The following NLRP5 variants were observed in gnomAD, a reference collection of about 807,000 sequenced individuals.
The protein encoded by NLRP5 is NACHT, LRR and PYD domains-containing protein 5.
A neutral mutation model predicts 113.1 loss-of-function variants in NLRP5; 93 were observed. The ratio of observed to expected loss-of-function variants is 0.82; its 90% confidence interval spans 0.70 to 0.98. NLRP5 has a LOEUF of 0.98. Among genes scored for constraint, NLRP5 ranks in the 50% least tolerant of loss-of-function variants. The pLI is 0.00. For synonymous variants in NLRP5, 751 were observed against 600.7 expected, an observed-to-expected ratio of 1.25 and a Z score of -3.66; for missense variants, 1,808 against 1,514.3, an observed-to-expected ratio of 1.19 and a Z score of -3.22.
chr19:56,029,425 C>G (rs1170700017), intron 7 of NLRP5, among the ~76,000 whole-genome samples: 1 of 151,930 alleles, frequency 6.6e-6, no homozygotes, highest in Non-Finnish European at 1.5e-5. Context: ...GCCACCATAC[C>G]TGGCTAATTT....
chr19:56,012,523 T>C (rs1426126972), intron 3 of NLRP5, among the ~76,000 whole-genome samples: 1 of 149,858 alleles, frequency 6.7e-6, no homozygotes, highest in Admixed American at 6.7e-5. Context: ...AATTCGAAAA[T>C]TTATAAACAT....
the NLRP5 span, among the ~76,000 whole-genome samples, chr19:55,987,502 CTTAG>C: frequency 4.6e-5 from 7 of 152,146 alleles, no homozygotes; most frequent in African/African-American, 4.8e-5. Context: ...TTAACCGTAA[CTTAG>C]TTATTGAAAT....
upstream of NLRP5, among the ~76,000 whole-genome samples, chr19:55,998,803 A>G (rs1258395417): frequency 2.0e-5 from 3 of 149,732 alleles, no homozygotes; most frequent in Middle Eastern, 3.2e-3. Flanking sequence ...ATCCACTTTT[A>G]TTTTTAATTG....
chr19:56,007,914 T>TGCGCGC (rs1568483131), intron 2 of NLRP5, among the ~76,000 whole-genome samples: 4 of 29,546 alleles, frequency 1.4e-4, no homozygotes, highest in African/African-American at 2.8e-4. Flanking sequence ...CGTGTGTGTG[T>TGCGCGC]GTGTGTGTGT....
At chr19:56,003,216 G>C (rs1333090946) in intron 1 of NLRP5, among the ~76,000 whole-genome samples, 1 of 152,126 alleles carries the variant, frequency 6.6e-6, no homozygotes, top group Non-Finnish European at 1.5e-5. Context: ...CAATGATGCA[G>C]TCTTGGCTCA....
At position 56,061,542 on chromosome 19, in the gene NLRP5, T is replaced by C. The variant is rs753358109; in HGVS notation, c.*14T>C. 2.2e-5 allele frequency: 36 copies of C among 1,613,778 alleles called. No individual in the cohort carries two copies. Among genetic ancestry groups the C allele is most frequent in the Admixed American group, 1.7e-4 (10 of 59,992 alleles). On this transcript the variant is annotated 3_prime_UTR_variant, in exon 15 of 15. Coordinates refer to ENST00000390649, the MANE Select transcript of NLRP5 (RefSeq NM_153447.4). Reference sequence around the variant, plus strand: ...TGGAAAAACTGAAGATACGGAAACCTGCCCCACTCACACCCATCTGATGGA... The same window carrying C: ...TGGAAAAACTGAAGATACGGAAACCCGCCCCACTCACACCCATCTGATGGA...
chr19:56,046,204 G>A (rs1983716544), intron 11 of NLRP5, among the ~76,000 whole-genome samples: 1 of 152,120 alleles, frequency 6.6e-6, no homozygotes, highest in Non-Finnish European at 1.5e-5. Context: ...TGCATCTATT[G>A]AAATCACGTG....
At chr19:55,992,952 C>T in the NLRP5 span, among the ~76,000 whole-genome samples, 5 of 151,856 alleles carry the variant, frequency 3.3e-5, no homozygotes, top group Non-Finnish European at 7.4e-5. Context: ...CAGGTTCAAG[C>T]GATTCTCCTG....
At chr19:56,043,891 T>C (rs1983623697) in intron 11 of NLRP5, among the ~76,000 whole-genome samples, 2 of 151,482 alleles carry the variant, frequency 1.3e-5, no homozygotes, top group Non-Finnish European at 2.9e-5. Flanking sequence ...CTGACTATTC[T>C]TTTGCTGTGC....
intron 3 of NLRP5, among the ~76,000 whole-genome samples, chr19:56,015,293 T>G (rs1982361912): frequency 6.6e-6 from 1 of 152,188 alleles, no homozygotes; most frequent in Non-Finnish European, 1.5e-5. Flanking sequence ...CCTCCTGGGT[T>G]CAGGCAATTC....
intron 14 of NLRP5, among the ~76,000 whole-genome samples, chr19:56,058,618 CA>C (rs1386591025): frequency 1.3e-5 from 2 of 152,166 alleles, no homozygotes; most frequent in African/African-American, 4.8e-5. Flanking sequence ...TGCCTGATAT[CA>C]TGGAGTTCAC....
Position 56,040,918 on chromosome 19 carries a change from G to T in NLRP5, c.2787-4G>T. On this transcript the variant is annotated splice_region_variant and splice_polypyrimidine_tract_variant and intron_variant, in intron 10 of 14. Transcript: ENST00000390649. Reference sequence around the variant, plus strand: ...ATGTCCTCTCTGGGGCTCTCTTCTTGCAGACTGGAGGACTGTGGCATCACA... The same window carrying T: ...ATGTCCTCTCTGGGGCTCTCTTCTTTCAGACTGGAGGACTGTGGCATCACA... The T allele has an allele frequency of 6.2e-7, 1 of 1,612,810 alleles. No individual in the cohort carries two copies. The highest frequency in any genetic ancestry group is 8.5e-7 in the Non-Finnish European group (1 of 1,179,306).
At chr19:56,055,069 G>T (rs981561597) in intron 13 of NLRP5, among the ~76,000 whole-genome samples, 1 of 135,906 alleles carries the variant, frequency 7.4e-6, no homozygotes, top group East Asian at 2.4e-4. Flanking sequence ...GCACAATCTC[G>T]GCTCCCTGGA....
chr19:56,060,256 G>A (rs1369723671), intron 14 of NLRP5, among the ~76,000 whole-genome samples: 1 of 152,120 alleles, frequency 6.6e-6, no homozygotes, highest in African/African-American at 2.4e-5. Flanking sequence ...TTCCCCATCT[G>A]TGAAATGGGG....
intron 14 of NLRP5, among the ~76,000 whole-genome samples, chr19:56,060,575 C>T (rs1182200105): frequency 6.6e-6 from 1 of 152,200 alleles, no homozygotes; most frequent in East Asian, 1.9e-4. Context: ...CCTCCCCAAA[C>T]CCTATAACAC....
chr19:56,019,852 T>C (rs561391284), intron 5 of NLRP5, among the ~76,000 whole-genome samples: 4 of 151,006 alleles, frequency 2.6e-5, no homozygotes, highest in African/African-American at 9.9e-5. Context: ...TTTTTTTTTT[T>C]TTGAGAAGGA....
chr19:56,046,162 A>G (rs1983714853), intron 11 of NLRP5, among the ~76,000 whole-genome samples: 1 of 152,140 alleles, frequency 6.6e-6, no homozygotes, highest in Admixed American at 6.5e-5. Flanking sequence ...TTTAATCATA[A>G]AGCATTGCTG....
At chr19:55,993,953 G>A in the NLRP5 span, among the ~76,000 whole-genome samples, 1 of 151,992 alleles carries the variant, frequency 6.6e-6, no homozygotes, top group African/African-American at 2.4e-5. Flanking sequence ...AAACATGAGA[G>A]TGCAGACATA....
chr19:56,039,920 C>T (rs544541335), intron 10 of NLRP5, among the ~76,000 whole-genome samples: 8 of 151,830 alleles, frequency 5.3e-5, no homozygotes, highest in African/African-American at 1.9e-4. Flanking sequence ...ATCTCAAAAG[C>T]AGACAGAGTA....
Sources: allele counts gnomAD v4.1 joint callset (sites outside exome capture counted in the v4.1 genomes callset), GRCh38; gene constraint gnomAD v4.1.1; transcripts MANE v1.5; gene names NCBI Gene and HGNC (gene_info 2026-07-23, HGNC 2026-07-21).